Variants in GLDC observed in about 807,000 individuals in gnomAD.
GLDC encodes the protein glycine dehydrogenase (decarboxylating), mitochondrial.
GLDC carries 104 observed loss-of-function variants against 121.3 expected under a neutral mutation model. The observed-to-expected ratio is 0.86, with a 90% CI of 0.73 to 1.01. GLDC has a LOEUF of 1.01. GLDC is among the 50% of genes least tolerant of loss of function. The pLI is 0.00. For synonymous variants in GLDC, 546 were observed against 480.6 expected (o/e 1.14, Z -1.78); for missense variants, 1,429 against 1,306.6 (o/e 1.09, Z -1.44).
Position 6,645,690 on chromosome 9 carries a change from A to G in GLDC, c.-191T>C. On this transcript the variant is annotated 5_prime_UTR_variant, in exon 1 of 25. Coordinates refer to ENST00000321612, the MANE Select transcript of GLDC (RefSeq NM_000170.3). Reference sequence around the variant, plus strand: ...TGCGCTCAACCAAGACACTCGCGCAAAGTTGTGGCTCCACCCAAGGCACCT... The same window carrying G: ...TGCGCTCAACCAAGACACTCGCGCAGAGTTGTGGCTCCACCCAAGGCACCT... 2.9e-6 allele frequency: 1 copy of G among 346,808 alleles called. No homozygotes were observed. The highest frequency in any genetic ancestry group is 4.9e-6 in the Non-Finnish European group (1 of 204,650). The allele number at this position is 346,808 out of a possible 1,614,324, so 21.5% of individuals were successfully genotyped here.
At chr9:6,616,217 A>G (rs1447063800) in intron 3 of GLDC, among the ~76,000 whole-genome samples, 1 of 152,262 alleles carries the variant, frequency 6.6e-6, no homozygotes, top group Non-Finnish European at 1.5e-5. Flanking sequence ...GCACTTCTGC[A>G]GAATTCTGTT....
At chr9:6,639,196 A>T (rs1755600) in intron 2 of GLDC, 7 of 858,518 alleles carry the variant, frequency 8.2e-6, no homozygotes, top group African/African-American at 1.7e-5. Context: ...GAAGCCAAAG[A>T]GAATGCTTTA....
chr9:6,634,508 G>C (rs930826990), intron 2 of GLDC, among the ~76,000 whole-genome samples: 2 of 150,992 alleles, frequency 1.3e-5, no homozygotes, highest in Non-Finnish European at 2.9e-5. Context: ...GAGCCTAGGT[G>C]ACATAACCAG....
intron 21 of GLDC, among the ~76,000 whole-genome samples, chr9:6,543,189 C>G (rs1325086699): frequency 1.2e-4 from 19 of 152,012 alleles, no homozygotes; most frequent in Admixed American, 1.2e-3. Flanking sequence ...GTGGGAGAAT[C>G]GCTTGATCCC....
At chr9:6,609,893 T>G (rs1563859475) in intron 4 of GLDC, among the ~76,000 whole-genome samples, 1 of 151,806 alleles carries the variant, frequency 6.6e-6, no homozygotes, top group Admixed American at 6.6e-5. Context: ...CTGTCCTTCC[T>G]CCCAAAAATA....
chr9:6,605,589 C>G (rs991852839), intron 5 of GLDC, among the ~76,000 whole-genome samples: 1 of 152,182 alleles, frequency 6.6e-6, no homozygotes, highest in Non-Finnish European at 1.5e-5. Context: ...TATTTGTTAA[C>G]AACAGAGCCA....
intron 22 of GLDC, among the ~76,000 whole-genome samples, chr9:6,537,121 C>G (rs2129652693): frequency 6.6e-6 from 1 of 151,658 alleles, no homozygotes; most frequent in East Asian, 1.9e-4. Flanking sequence ...GCCTCAACCT[C>G]CTGGGCTCAA....
chr9:6,597,661 G>C (rs1223191881), intron 8 of GLDC, among the ~76,000 whole-genome samples: 1 of 152,156 alleles, frequency 6.6e-6, no homozygotes, highest in Admixed American at 6.5e-5. Context: ...ATATGGCCGG[G>C]CATGGTGGCT....
intron 3 of GLDC, among the ~76,000 whole-genome samples, chr9:6,614,727 C>G (rs114943812): frequency 1.3e-5 from 2 of 152,042 alleles, no homozygotes; most frequent in African/African-American, 4.8e-5. Flanking sequence ...CATGGCTTAA[C>G]AGAAATATGC....
intron 7 of GLDC, among the ~76,000 whole-genome samples, chr9:6,603,572 C>A (rs1233561682): frequency 1.3e-5 from 2 of 151,798 alleles, no homozygotes; most frequent in African/African-American, 2.4e-5. Context: ...TTTAAAAAAA[C>A]ACACTTCACA....
At chr9:6,567,543 C>G (rs1817877196) in intron 15 of GLDC, 1 of 152,244 alleles carries the variant, frequency 6.6e-6, no homozygotes, top group African/African-American at 2.4e-5. Flanking sequence ...TCTGCAAAGC[C>G]TTCCCTAAAG....
At chr9:6,575,567 T>G (rs570230522) in intron 15 of GLDC, among the ~76,000 whole-genome samples, 16 of 152,258 alleles carry the variant, frequency 1.1e-4, no homozygotes, top group African/African-American at 3.9e-4. Flanking sequence ...TTGAGAGCCC[T>G]GTTCACACCA....
chr9:6,585,418 A>G (rs1314924609), intron 15 of GLDC, among the ~76,000 whole-genome samples: 1 of 152,232 alleles, frequency 6.6e-6, no homozygotes, highest in Non-Finnish European at 1.5e-5. Context: ...CAAAACAAAA[A>G]TAAGTAATGA....
chr9:6,610,974 T>C (rs1818839300), intron 3 of GLDC, among the ~76,000 whole-genome samples: 1 of 152,266 alleles, frequency 6.6e-6, no homozygotes, highest in Non-Finnish European at 1.5e-5. Flanking sequence ...ATTCACATTT[T>C]ACAATAGGAA....
chr9:6,644,520 G>T, intron 2 of GLDC, 94 bp downstream of exon 2: 1 of 839,612 alleles, frequency 1.2e-6, no homozygotes, highest in Non-Finnish European at 2.1e-6. Flanking sequence ...CCAGTCCTGA[G>T]CAATCCTTAC....
chr9:6,642,844 C>G (rs1819655616), intron 2 of GLDC, among the ~76,000 whole-genome samples: 1 of 152,124 alleles, frequency 6.6e-6, no homozygotes, highest in South Asian at 2.1e-4. Context: ...TAAAGATACA[C>G]AACTCTTCAC....
intron 21 of GLDC, among the ~76,000 whole-genome samples, chr9:6,549,508 C>G (rs960162970): frequency 6.6e-6 from 1 of 152,146 alleles, no homozygotes; most frequent in East Asian, 1.9e-4. Flanking sequence ...TGCCCCTCAC[C>G]AGGCACCCAA....
At chr9:6,534,037 CCCGT>C (rs1817061380) in intron 24 of GLDC, 1 of 152,036 alleles carries the variant, frequency 6.6e-6, no homozygotes, top group African/African-American at 2.4e-5. Flanking sequence ...ACAGTGAAAC[CCCGT>C]CTCTACTAAA....
chr9:6,543,575 G>A lies in GLDC; in HGVS notation c.2570-3429C>T, dbSNP rs554715409. Among the ~76,000 whole-genome samples the A allele has an allele frequency of 3.3e-5, 5 of 152,296 alleles. No individual in the cohort carries two copies. In the East Asian group the frequency reaches 9.7e-4, roughly 29 times the overall value. On this transcript the variant is annotated intron_variant, in intron 21 of 24. Transcript: ENST00000321612. ...TCCATTTTCTAAATGAGGTTCAGAT[G>A]TTATTTTCTAAATCCATACTCTATT...
Sources: gnomAD v4.1 joint callset for allele counts (sites outside exome capture counted in the v4.1 genomes callset) on GRCh38, gnomAD v4.1.1 for gene constraint, MANE v1.5 for transcripts, NCBI Gene and HGNC (gene_info 2026-07-23, HGNC 2026-07-21) for gene names.